Variants in ZBTB20 observed in about 807,000 individuals in gnomAD.
The protein encoded by ZBTB20 is zinc finger and BTB domain-containing protein 20.
In ZBTB20, 9 loss-of-function variants were observed where a neutral mutation model predicts 56.9. The observed-to-expected ratio is 0.16, with a 90% CI of 0.10 to 0.28. ZBTB20 has a LOEUF of 0.28. Ranked by LOEUF, ZBTB20 falls within the 10% of genes least tolerant of loss-of-function variation. ZBTB20 has a pLI of 1.00. For missense variants in ZBTB20, 655 were observed against 1,003.0 expected (o/e 0.65, Z 4.69); for synonymous variants, 417 against 420.7 (o/e 0.99, Z 0.11).
chr3:115,136,978 A>C (rs2084667556), intron 1 of ZBTB20, among the ~76,000 whole-genome samples: 1 of 152,090 alleles, frequency 6.6e-6, no homozygotes, highest in Non-Finnish European at 1.5e-5. Flanking sequence ...AATTACAAGA[A>C]CAACAGAGTA....
chr3:115,004,217 C>T (rs1220884086), intron 2 of ZBTB20, among the ~76,000 whole-genome samples: 1 of 151,510 alleles, frequency 6.6e-6, no homozygotes, highest in African/African-American at 2.4e-5. Context: ...CAAAACTATC[C>T]CCCAACTTTC....
At chr3:114,951,549 G>T (rs911110665) in intron 3 of ZBTB20, among the ~76,000 whole-genome samples, 5 of 152,052 alleles carry the variant, frequency 3.3e-5, no homozygotes. Context: ...TTGTTCACTG[G>T]TATACACACA....
chr3:114,951,291 G>C (rs1487026301), intron 3 of ZBTB20, among the ~76,000 whole-genome samples: 2 of 151,814 alleles, frequency 1.3e-5, no homozygotes, highest in African/African-American at 4.8e-5. Context: ...TATGGGCATA[G>C]TCACAGAAAT....
At chr3:114,996,457 G>C (rs1172476313) in intron 2 of ZBTB20, among the ~76,000 whole-genome samples, 1 of 151,792 alleles carries the variant, frequency 6.6e-6, no homozygotes, top group Non-Finnish European at 1.5e-5. Flanking sequence ...AACACGTGGT[G>C]TCTGGTTTTC....
At chr3:114,839,457 A>AAGAAAGAGAGAG (rs1560306786) in intron 4 of ZBTB20, among the ~76,000 whole-genome samples, 3 of 151,274 alleles carry the variant, frequency 2.0e-5, no homozygotes, top group African/African-American at 7.3e-5. Context: ...GAAAGAAAGA[A>AAGAAAGAGAGAG]AGAAAGAAAG....
At chr3:115,091,106 CAAAT>C (rs1450174924) in intron 1 of ZBTB20, among the ~76,000 whole-genome samples, 4 of 151,682 alleles carry the variant, frequency 2.6e-5, no homozygotes, top group African/African-American at 9.7e-5. Flanking sequence ...TAACCAAAAA[CAAAT>C]GAACAAAAAA....
intron 3 of ZBTB20, among the ~76,000 whole-genome samples, chr3:114,919,005 C>T (rs990612447): frequency 7.2e-5 from 11 of 152,154 alleles, no homozygotes; most frequent in African/African-American, 2.7e-4. Context: ...AGAATTTTAG[C>T]CCATAGTGGT....
intron 5 of ZBTB20, among the ~76,000 whole-genome samples, chr3:114,763,492 TGCATAGAACATAG>T (rs1161766013): frequency 6.6e-6 from 1 of 152,174 alleles, no homozygotes; most frequent in Non-Finnish European, 1.5e-5. Flanking sequence ...ATAGAACATA[TGCATAGAACATAG>T]AATATAGAAA....
In ZBTB20 at chr3:115,004,259, T is replaced by G. The variant is rs183226809; in HGVS notation, c.-506-29843A>C. ...TCCTGCCTTGAAAACATGCACATTTTGTCCTCAAAAGAGTACAGAAAGGTA... is the reference window on the plus strand; with the variant it reads ...TCCTGCCTTGAAAACATGCACATTTGGTCCTCAAAAGAGTACAGAAAGGTA... On this transcript the variant is annotated intron_variant, in intron 2 of 11. Coordinates refer to ENST00000675478, the MANE Select transcript of ZBTB20 (RefSeq NM_001348800.3). Among the ~76,000 whole-genome samples the G allele has an allele frequency of 4.6e-5, 7 of 151,780 alleles. No individual in the cohort carries two copies. The South Asian group carries it at 1.2e-3, about 27-fold the overall frequency.
At chr3:114,892,947 C>T (rs1177342732) in intron 4 of ZBTB20, among the ~76,000 whole-genome samples, 2 of 152,194 alleles carry the variant, frequency 1.3e-5, no homozygotes, top group African/African-American at 4.8e-5. Flanking sequence ...GTAGAAAGCA[C>T]AAAGGCCTCT....
At chr3:115,008,188 C>T (rs996223903) in intron 2 of ZBTB20, among the ~76,000 whole-genome samples, 3 of 151,848 alleles carry the variant, frequency 2.0e-5, no homozygotes, top group Admixed American at 6.6e-5. Flanking sequence ...TAGCTGAATG[C>T]CCCATAGATA....
At chr3:114,518,715 T>C (rs968886454) in intron 6 of ZBTB20, 4 of 152,346 alleles carry the variant, frequency 2.6e-5, no homozygotes, top group Non-Finnish European at 5.9e-5. Context: ...GTGAATATTC[T>C]GGGCCCTTTA....
At chr3:114,508,254 G>A (rs562348654) in intron 6 of ZBTB20, among the ~76,000 whole-genome samples, 7 of 152,234 alleles carry the variant, frequency 4.6e-5, no homozygotes, top group African/African-American at 1.7e-4. Context: ...CAGACTCACA[G>A]ATAAGGTCTA....
At chr3:114,468,672 T>C (rs972499424) in intron 7 of ZBTB20, among the ~76,000 whole-genome samples, 2 of 152,216 alleles carry the variant, frequency 1.3e-5, no homozygotes, top group Admixed American at 1.3e-4. Context: ...TTTATTCTTT[T>C]CAATAATTCT....
At chr3:114,618,365 T>A (rs917844983) in intron 6 of ZBTB20, among the ~76,000 whole-genome samples, 6 of 151,010 alleles carry the variant, frequency 4.0e-5, no homozygotes, top group Non-Finnish European at 8.8e-5. Context: ...TAAGGGATCC[T>A]CCCATCTCAG....
intron 4 of ZBTB20, among the ~76,000 whole-genome samples, chr3:114,883,802 C>G (rs34700999): frequency 1.3e-5 from 2 of 150,358 alleles, no homozygotes; most frequent in Non-Finnish European, 2.9e-5. Context: ...TGTGGTATTT[C>G]TAAGAAAGCA....
intron 10 of ZBTB20, among the ~76,000 whole-genome samples, chr3:114,364,027 A>G (rs144621372): frequency 1.5e-4 from 22 of 151,410 alleles, no homozygotes; most frequent in African/African-American, 5.3e-4. Context: ...TGCCTAGCCA[A>G]TTAGCTAATC....
chr3:114,782,161 A>T (rs1472422861), intron 5 of ZBTB20, among the ~76,000 whole-genome samples: 2 of 152,190 alleles, frequency 1.3e-5, no homozygotes, highest in African/African-American at 2.4e-5. Context: ...AGTATCTTAT[A>T]CATGTCTCAA....
At chr3:114,517,752 T>A (rs2046178261) in intron 6 of ZBTB20, among the ~76,000 whole-genome samples, 1 of 151,956 alleles carries the variant, frequency 6.6e-6, no homozygotes, top group African/African-American at 2.4e-5. Flanking sequence ...ATTTTTGTAT[T>A]TTTAGTAGAG....
Sources: gnomAD v4.1 joint callset for allele counts (sites outside exome capture counted in the v4.1 genomes callset) on GRCh38, gnomAD v4.1.1 for gene constraint, MANE v1.5 for transcripts, NCBI Gene and HGNC (gene_info 2026-07-23, HGNC 2026-07-21) for gene names.